DLC1: variants seen among roughly 807,000 people sequenced by gnomAD.
DLC1 encodes the protein DLC1 Rho GTPase activating protein, also known as rho GTPase-activating protein 7.
In DLC1, 54 loss-of-function variants were observed where a neutral mutation model predicts 140.3. The ratio of observed to expected loss-of-function variants is 0.38; its 90% CI spans 0.31 to 0.48. The LOEUF (loss-of-function observed/expected upper bound fraction) is 0.48. DLC1 is among the 20% of genes least tolerant of loss of function. The pLI is 0.96. For synonymous variants in DLC1, 986 were observed against 728.1 expected (o/e 1.35, Z -5.70); for missense variants, 2,536 against 1,907.0 (o/e 1.33, Z -6.14).
At chr8:13,516,841 A>T (rs985921602), upstream of DLC1, among the ~76,000 whole-genome samples, 17 of 152,172 alleles carry the variant, frequency 1.1e-4, no homozygotes, top group East Asian at 3.8e-4. Context: ...TTTACAAATA[A>T]AGTATTGAGA....
intron 4 of DLC1, among the ~76,000 whole-genome samples, chr8:13,316,322 G>C (rs886251828): frequency 6.6e-6 from 1 of 152,090 alleles, no homozygotes; most frequent in African/African-American, 2.4e-5. Flanking sequence ...CAGCAGTTTT[G>C]TCCTAGTATA....
At chr8:13,411,655 C>T (rs942192051) in intron 2 of DLC1, among the ~76,000 whole-genome samples, 8 of 152,122 alleles carry the variant, frequency 5.3e-5, no homozygotes, top group African/African-American at 1.9e-4. Context: ...CATTCTGTAC[C>T]TTCCACTCAA....
intron 1 of DLC1, among the ~76,000 whole-genome samples, chr8:13,531,883 AC>A (rs1216241955): frequency 6.6e-6 from 1 of 152,080 alleles, no homozygotes; most frequent in Non-Finnish European, 1.5e-5. Flanking sequence ...GAAAAAATAA[AC>A]CCCCTACTTA....
intron 3 of DLC1, among the ~76,000 whole-genome samples, chr8:13,395,138 T>C (rs289564): frequency 0.41 from 53,276 of 131,254 alleles, 10,163 homozygotes; most frequent in East Asian, 0.78. Flanking sequence ...TTTTTTTTTT[T>C]GGAATGGAGT....
intron 6 of DLC1, among the ~76,000 whole-genome samples, chr8:13,111,475 G>A (rs1211485400): frequency 6.6e-6 from 1 of 152,154 alleles, no homozygotes; most frequent in East Asian, 1.9e-4. Context: ...CTGTAGAAGA[G>A]TTCATTCAGT....
chr8:13,239,385 T>A (rs998729695), intron 5 of DLC1, among the ~76,000 whole-genome samples: 8 of 151,968 alleles, frequency 5.3e-5, no homozygotes, highest in Admixed American at 1.3e-4. Context: ...AAGTCCAGGA[T>A]AACTGAAACA....
intron 5 of DLC1, among the ~76,000 whole-genome samples, chr8:13,204,855 A>T (rs1827575765): frequency 6.6e-6 from 1 of 152,214 alleles, no homozygotes; most frequent in Non-Finnish European, 1.5e-5. Flanking sequence ...TTGTGGTCAG[A>T]TTCCTGCATT....
At chr8:13,604,505 C>A (rs1805983739) in intron 1 of DLC1, 1 of 152,006 alleles carries the variant, frequency 6.6e-6, no homozygotes, top group Non-Finnish European at 1.5e-5. Flanking sequence ...ATATATGATA[C>A]AAAGTATAAA....
intron 2 of DLC1, among the ~76,000 whole-genome samples, chr8:13,422,931 G>C (rs1838384732): frequency 6.6e-6 from 1 of 152,114 alleles, no homozygotes; most frequent in South Asian, 2.1e-4. Context: ...CCTTGAATTT[G>C]AGTAAAATGG....
At chr8:13,584,201 T>G (rs1420352742) in intron 1 of DLC1, 1 of 153,510 alleles carries the variant, frequency 6.5e-6, no homozygotes. Context: ...ATCTAGACAG[T>G]GCGAACTGCT....
chr8:13,277,532 C>T (rs982750194), intron 5 of DLC1, among the ~76,000 whole-genome samples: 2 of 152,066 alleles, frequency 1.3e-5, no homozygotes, highest in African/African-American at 2.4e-5. Context: ...AAACTCATCC[C>T]CCAAAATGTA....
intron 5 of DLC1, among the ~76,000 whole-genome samples, chr8:13,194,961 G>C (rs1252928950): frequency 2.0e-5 from 3 of 152,182 alleles, no homozygotes; most frequent in Non-Finnish European, 4.4e-5. Context: ...AGTGAGCTAT[G>C]ATTGTGCCAC....
intron 5 of DLC1, among the ~76,000 whole-genome samples, chr8:13,207,346 A>G (rs1450347748): frequency 6.6e-6 from 1 of 152,212 alleles, no homozygotes; most frequent in Non-Finnish European, 1.5e-5. Context: ...AAAATTTTGC[A>G]TCATGACTTA....
At chr8:13,231,130 C>T (rs1829028946) in intron 5 of DLC1, among the ~76,000 whole-genome samples, 1 of 151,910 alleles carries the variant, frequency 6.6e-6, no homozygotes, top group South Asian at 2.1e-4. Context: ...GAGTTGCATA[C>T]ATTACAAATA....
chr8:13,175,474 A>G (rs1227974680), intron 5 of DLC1, among the ~76,000 whole-genome samples: 1 of 152,108 alleles, frequency 6.6e-6, no homozygotes, highest in Non-Finnish European at 1.5e-5. Flanking sequence ...TTGCAGATAG[A>G]TGTTTAAGTG....
intron 4 of DLC1, among the ~76,000 whole-genome samples, chr8:13,345,450 C>G (rs2006894): frequency 0.36 from 53,683 of 150,922 alleles, 9,730 homozygotes; most frequent in Non-Finnish European, 0.4. Flanking sequence ...GAGCCAGGAG[C>G]CAGTTCATTT....
chr8:13,524,038 A>G (rs1802841010), intron 1 of DLC1, among the ~76,000 whole-genome samples: 1 of 151,408 alleles, frequency 6.6e-6, no homozygotes, highest in Admixed American at 6.6e-5. Context: ...ATGTCAGTGG[A>G]TATTAGATAT....
intron 2 of DLC1, among the ~76,000 whole-genome samples, chr8:13,417,096 A>G (rs4831428): frequency 0.57 from 86,636 of 151,934 alleles, 26,696 homozygotes; most frequent in Non-Finnish European, 0.71. Context: ...ATTTCTAATC[A>G]GATGACTTTA....
In DLC1 at chr8:13,302,815, T is replaced by A. The variant is rs78569417; in HGVS notation, c.1348+2454A>T. ...AGATTGAGTGGGTCTCCTGCCTTCA[T>A]GGCCATTCCTCTGTCTAGCGGAAGC... On this transcript the variant is annotated intron_variant, in intron 5 of 17. Transcript: ENST00000276297. 1.3e-3 allele frequency among the ~76,000 whole-genome samples: 203 copies of A among 151,768 alleles called. 6 individuals are homozygous for A. The East Asian group carries it at 0.034, about 25-fold the overall frequency.
Sources: gnomAD v4.1 joint callset for allele counts (sites outside exome capture counted in the v4.1 genomes callset) on GRCh38, gnomAD v4.1.1 for gene constraint, MANE v1.5 for transcripts, NCBI Gene and HGNC (gene_info 2026-07-23, HGNC 2026-07-21) for gene names.